The following ATP11A variants were observed in gnomAD, a reference collection of about 807,000 sequenced individuals.
ATP11A encodes ATPase phospholipid transporting 11A, also known as phospholipid-transporting ATPase IH.
A neutral mutation model predicts 154.4 loss-of-function variants in ATP11A; 81 were observed. The observed-to-expected ratio is 0.52, with a 90% CI of 0.44 to 0.63. The LOEUF is 0.63. Among genes scored for constraint, ATP11A ranks in the 30% least tolerant of loss-of-function variants. The pLI is 0.00. For missense variants in ATP11A, 1,316 were observed against 1,474.3 expected (o/e 0.89, Z 1.76); for synonymous variants, 623 against 585.9 (o/e 1.06, Z -0.91).
At chr13:112,773,216 CCCTG>C (rs1314709869) in intron 1 of ATP11A, among the ~76,000 whole-genome samples, 25 of 152,054 alleles carry the variant, frequency 1.6e-4, no homozygotes, top group African/African-American at 5.3e-4. Context: ...CCCTGCCCTG[CCCTG>C]CCCTGCCCCA....
intron 29 of ATP11A, chr13:112,881,515 G>T (rs1270463188): frequency 8.9e-7 from 1 of 1,125,924 alleles, no homozygotes; most frequent in African/African-American, 1.6e-5. Flanking sequence ...CCCGTCCATG[G>T]CCTGTATCCC....
intron 1 of ATP11A, among the ~76,000 whole-genome samples, chr13:112,748,199 G>A (rs895794000): frequency 6.6e-6 from 1 of 152,162 alleles, no homozygotes; most frequent in Non-Finnish European, 1.5e-5. Context: ...AGCACATCTG[G>A]TCCCAAGCAT....
chr13:112,777,619 A>T (rs2077379739), intron 1 of ATP11A, among the ~76,000 whole-genome samples: 1 of 152,248 alleles, frequency 6.6e-6, no homozygotes, highest in South Asian at 2.1e-4. Context: ...GAGGCTGCCC[A>T]GGTAGCTGCA....
intron 1 of ATP11A, among the ~76,000 whole-genome samples, chr13:112,723,170 CAG>C (rs1314066471): frequency 6.6e-6 from 1 of 151,624 alleles, no homozygotes; most frequent in Admixed American, 6.6e-5. Context: ...CTTAGTGCCA[CAG>C]AGTCTGGTTT....
chr13:112,880,718 T>G (rs2080860306), intron 29 of ATP11A: 7 of 1,208,704 alleles, frequency 5.8e-6, no homozygotes, highest in Non-Finnish European at 7.4e-6. Flanking sequence ...TCCAAAGTTG[T>G]GCTGTGCTGT....
chr13:112,779,850 G>A (rs2077455189), intron 1 of ATP11A, among the ~76,000 whole-genome samples: 1 of 151,984 alleles, frequency 6.6e-6, no homozygotes. Flanking sequence ...GTTGCAGTGA[G>A]CCGAGATTTT....
intron 12 of ATP11A, among the ~76,000 whole-genome samples, chr13:112,830,823 C>T (rs553253573): frequency 6.6e-6 from 1 of 152,244 alleles, no homozygotes; most frequent in Admixed American, 6.5e-5. Flanking sequence ...GAGTTTAAGA[C>T]GGGTTGTATC....
In ATP11A at chr13:112,824,255, A is replaced by G; in HGVS notation, c.791-89A>G. ...AAAAATAGGATTCGCTTTACCCAAG[A>G]ATTGATTTTCCCCGCAGCTGTGTGT... On this transcript the variant is annotated intron_variant, in intron 9 of 29. Coordinates refer to ENST00000375645, the MANE Select transcript of ATP11A (RefSeq NM_015205.3). 9 of 1,004,228 alleles carry G rather than the reference A, an allele frequency of 9.0e-6. No individual in the cohort carries two copies. In the South Asian group the frequency reaches 1.0e-4, roughly 12 times the overall value. The allele number at this position is 1,004,228 out of a possible 1,614,324, so 62.2% of individuals were successfully genotyped here.
intron 27 of ATP11A, among the ~76,000 whole-genome samples, chr13:112,874,637 C>T (rs1036889959): frequency 3.3e-5 from 5 of 152,274 alleles, no homozygotes; most frequent in South Asian, 4.1e-4. Flanking sequence ...CTGACCTGGG[C>T]GGGACTCTCA....
chr13:112,783,081 C>A (rs1241571330), intron 1 of ATP11A, among the ~76,000 whole-genome samples: 1 of 152,142 alleles, frequency 6.6e-6, no homozygotes, highest in Non-Finnish European at 1.5e-5. Flanking sequence ...GGTGAATTAC[C>A]GATGGAATTT....
At chr13:112,775,453 T>C (rs1566463361) in intron 1 of ATP11A, among the ~76,000 whole-genome samples, 1 of 152,222 alleles carries the variant, frequency 6.6e-6, no homozygotes, top group Non-Finnish European at 1.5e-5. Flanking sequence ...CCCAGCAGCC[T>C]GGGGCCTCCA....
intron 16 of ATP11A, among the ~76,000 whole-genome samples, chr13:112,836,994 TC>T (rs1359331781): frequency 1.3e-5 from 2 of 151,988 alleles, no homozygotes; most frequent in African/African-American, 4.8e-5. Context: ...CGACCTCGTC[TC>T]CCCCCACCCT....
chr13:112,792,001 G>A (rs111621884), intron 2 of ATP11A, among the ~76,000 whole-genome samples: 11 of 152,274 alleles, frequency 7.2e-5, no homozygotes, highest in African/African-American at 1.7e-4. Flanking sequence ...GCACTTGGCC[G>A]CCTTTCATCT....
chr13:112,809,477 A>T (rs2078425411), intron 4 of ATP11A, among the ~76,000 whole-genome samples: 1 of 152,120 alleles, frequency 6.6e-6, no homozygotes, highest in Non-Finnish European at 1.5e-5. Flanking sequence ...CTCCTGCCCC[A>T]CAGGCTCTTG....
intron 17 of ATP11A, among the ~76,000 whole-genome samples, chr13:112,844,357 A>G (rs1299041282): frequency 6.6e-6 from 1 of 152,202 alleles, no homozygotes; most frequent in Admixed American, 6.5e-5. Flanking sequence ...ATTGCCATAC[A>G]TTGATCTATA....
intron 22 of ATP11A, 151 bp downstream of exon 22, chr13:112,858,441 T>A: frequency 1.2e-6 from 1 of 808,204 alleles, no homozygotes; most frequent in Non-Finnish European, 1.8e-6. Flanking sequence ...CTGATTGCAG[T>A]CATCTCTTGC....
intron 17 of ATP11A, among the ~76,000 whole-genome samples, chr13:112,845,293 A>G (rs1399977166): frequency 1.7e-5 from 2 of 118,130 alleles, no homozygotes; most frequent in African/African-American, 9.1e-5. Context: ...TCCAGTTGCC[A>G]GGCACTAGTG....
intron 10 of ATP11A, among the ~76,000 whole-genome samples, chr13:112,824,665 C>T (rs557413684): frequency 6.6e-5 from 10 of 152,292 alleles, no homozygotes; most frequent in African/African-American, 9.6e-5. Context: ...CTCTTACGGA[C>T]GCCCTGACGT....
chr13:112,740,158 A>ATATATCTCTCTC (rs1278618925), intron 1 of ATP11A, among the ~76,000 whole-genome samples: 1 of 149,292 alleles, frequency 6.7e-6, no homozygotes, highest in African/African-American at 2.5e-5. Flanking sequence ...CTATATATAT[A>ATATATCTCTCTC]TATATATATA....
Sources: gnomAD v4.1 joint callset for allele counts (sites outside exome capture counted in the v4.1 genomes callset) on GRCh38, gnomAD v4.1.1 for gene constraint, MANE v1.5 for transcripts, NCBI Gene and HGNC (gene_info 2026-07-23, HGNC 2026-07-21) for gene names.